The following SPAG16 variants were observed in gnomAD, a reference collection of about 807,000 sequenced individuals.
The protein encoded by SPAG16 is sperm associated antigen 16.
In SPAG16, 86 loss-of-function variants were observed where a neutral mutation model predicts 80.4. The ratio of observed to expected loss-of-function variants is 1.07; its 90% CI spans 0.90 to 1.28. SPAG16 has a LOEUF of 1.28. SPAG16 is among the 50% of genes most tolerant of loss of function. The pLI, the probability that SPAG16 is intolerant of heterozygous loss-of-function variation, is 0.00. For missense variants in SPAG16, 870 were observed against 765.3 expected, an observed-to-expected ratio of 1.14 and a Z score of -1.61; for synonymous variants, 294 against 265.9, an observed-to-expected ratio of 1.11 and a Z score of -1.03.
intron 10 of SPAG16, among the ~76,000 whole-genome samples, chr2:213,753,313 A>G (rs891997735): frequency 6.6e-6 from 1 of 151,930 alleles, no homozygotes; most frequent in South Asian, 2.1e-4. Flanking sequence ...CGCCCAGCCT[A>G]TTTTTTCAAT....
intron 10 of SPAG16, among the ~76,000 whole-genome samples, chr2:213,523,274 A>G (rs78781689): frequency 1.3e-5 from 2 of 152,174 alleles, no homozygotes; most frequent in East Asian, 3.8e-4. Flanking sequence ...CATGTGAAGA[A>G]GGATGTGTTT....
intron 10 of SPAG16, among the ~76,000 whole-genome samples, chr2:213,612,725 G>C (rs2061476276): frequency 6.6e-6 from 1 of 152,060 alleles, no homozygotes; most frequent in African/African-American, 2.4e-5. Context: ...TGTTGCCCAG[G>C]CTGGATGGAG....
intron 15 of SPAG16, among the ~76,000 whole-genome samples, chr2:214,189,892 T>C (rs1390286053): frequency 1.3e-5 from 2 of 152,066 alleles, no homozygotes; most frequent in African/African-American, 4.8e-5. Flanking sequence ...CAATCCCCTT[T>C]AACAACTAGT....
chr2:213,286,900 T>G (rs1018602421), intron 1 of SPAG16, among the ~76,000 whole-genome samples: 1 of 152,228 alleles, frequency 6.6e-6, no homozygotes, highest in Non-Finnish European at 1.5e-5. Flanking sequence ...TGGGGGACAT[T>G]AATGAAGGTC....
intron 14 of SPAG16, among the ~76,000 whole-genome samples, chr2:214,121,905 T>C (rs1431687044): frequency 6.6e-6 from 1 of 151,864 alleles, no homozygotes; most frequent in Non-Finnish European, 1.5e-5. Context: ...TTACATTATG[T>C]ATATGCAAAT....
chr2:213,297,164 G>T, intron 2 of SPAG16, 98 bp from the exon 3 acceptor site: 1 of 1,489,640 alleles, frequency 6.7e-7, no homozygotes, highest in Non-Finnish European at 9.0e-7. Context: ...GTATTTCTTT[G>T]ATCCTTTGAT....
chr2:213,705,488 T>C (rs1435115906), intron 10 of SPAG16, among the ~76,000 whole-genome samples: 1 of 151,770 alleles, frequency 6.6e-6, no homozygotes, highest in Non-Finnish European at 1.5e-5. Context: ...GAGCTGGAGG[T>C]AGAAAGGGTG....
rs191965269 is a variant in SPAG16, at chr2:213,744,390, C to T, written c.1071-118095C>T. ...CCACAGTCATCCCAAGCTTCCTGCC[C>T]AGGTTATCAGTCTGTGATCATGGAA... On this transcript the variant is annotated intron_variant, in intron 10 of 15. Transcript: ENST00000331683. Among the ~76,000 whole-genome samples the T allele has an allele frequency of 1.3e-3, 199 of 152,246 alleles. 2 individuals are homozygous for T. The highest frequency in any genetic ancestry group is 4.5e-3 in the African/African-American group (189 of 41,540).
At chr2:213,923,089 G>A (rs973529277) in intron 11 of SPAG16, among the ~76,000 whole-genome samples, 5 of 152,204 alleles carry the variant, frequency 3.3e-5, no homozygotes, top group Admixed American at 6.5e-5. Context: ...GTGTTTCCAG[G>A]GCAACAGGAG....
chr2:214,143,135 T>A (rs2055448013), intron 14 of SPAG16, among the ~76,000 whole-genome samples: 1 of 152,132 alleles, frequency 6.6e-6, no homozygotes, highest in Non-Finnish European at 1.5e-5. Flanking sequence ...CCATTTCTTT[T>A]TTAACTGTGT....
At chr2:213,392,520 A>G (rs1420079266) in intron 9 of SPAG16, among the ~76,000 whole-genome samples, 1 of 152,152 alleles carries the variant, frequency 6.6e-6, no homozygotes, top group African/African-American at 2.4e-5. Context: ...CTATAACCAT[A>G]TGCAAATGGG....
chr2:213,406,059 C>A (rs1417162538), intron 9 of SPAG16, among the ~76,000 whole-genome samples: 3 of 152,148 alleles, frequency 2.0e-5, no homozygotes, highest in Non-Finnish European at 4.4e-5. Flanking sequence ...GCCTTAGGTT[C>A]AGCATCTTTA....
At chr2:214,126,774 C>T (rs192814964) in intron 14 of SPAG16, among the ~76,000 whole-genome samples, 2 of 151,858 alleles carry the variant, frequency 1.3e-5, no homozygotes, top group African/African-American at 4.8e-5. Flanking sequence ...CTGCAATGAT[C>T]AAACAGCAAA....
At chr2:213,977,274 C>T (rs1249504488) in intron 12 of SPAG16, among the ~76,000 whole-genome samples, 10 of 152,130 alleles carry the variant, frequency 6.6e-5, no homozygotes, top group Admixed American at 5.2e-4. Context: ...AATCTCATCC[C>T]ATTTTAGCAT....
chr2:214,308,554 T>G (rs1695081922), intron 15 of SPAG16, among the ~76,000 whole-genome samples: 1 of 152,204 alleles, frequency 6.6e-6, no homozygotes, highest in Non-Finnish European at 1.5e-5. Context: ...TAATGCTTCC[T>G]TTAGGTGCTT....
chr2:214,139,053 G>T (rs373536320), intron 14 of SPAG16, among the ~76,000 whole-genome samples: 7 of 152,142 alleles, frequency 4.6e-5, no homozygotes, highest in African/African-American at 1.7e-4. Context: ...TAGGGTCAGT[G>T]AAAAGGTTTT....
chr2:214,398,299 C>T (rs1356964421), intron 15 of SPAG16, among the ~76,000 whole-genome samples: 2 of 152,166 alleles, frequency 1.3e-5, no homozygotes, highest in African/African-American at 2.4e-5. Flanking sequence ...AAAAATTTTT[C>T]CCTTTGCCAC....
At chr2:213,418,956 C>T (rs1020901341) in intron 9 of SPAG16, among the ~76,000 whole-genome samples, 1 of 143,210 alleles carries the variant, frequency 7.0e-6, no homozygotes, top group Admixed American at 7.0e-5. Context: ...AGTATTTGAT[C>T]AATTTCTTTA....
At chr2:213,295,302 G>A (rs2062454052) in intron 1 of SPAG16, among the ~76,000 whole-genome samples, 1 of 151,974 alleles carries the variant, frequency 6.6e-6, no homozygotes, top group African/African-American at 2.4e-5. Context: ...ATAAAATATT[G>A]TCTTGAAGTT....
Sources: allele counts gnomAD v4.1 joint callset (sites outside exome capture counted in the v4.1 genomes callset), GRCh38; gene constraint gnomAD v4.1.1; transcripts MANE v1.5; gene names NCBI Gene and HGNC (gene_info 2026-07-23, HGNC 2026-07-21).